NCSTN: variants seen among roughly 807,000 people sequenced by gnomAD.
The protein encoded by NCSTN is nicastrin.
In NCSTN, 22 loss-of-function variants were observed where a neutral mutation model predicts 87.0. The ratio of observed to expected loss-of-function variants is 0.25; its 90% confidence interval spans 0.18 to 0.36. NCSTN has a LOEUF of 0.36. Among genes scored for constraint, NCSTN ranks in the 10% least tolerant of loss-of-function variants. NCSTN has a pLI of 1.00. For synonymous variants in NCSTN, 306 were observed against 327.1 expected, an observed-to-expected ratio of 0.94 and a Z score of 0.69; for missense variants, 693 against 883.3, an observed-to-expected ratio of 0.78 and a Z score of 2.73.
intron 11 of NCSTN, among the ~76,000 whole-genome samples, chr1:160,354,507 T>C (rs768494357): frequency 3.3e-5 from 5 of 152,172 alleles, no homozygotes; most frequent in Non-Finnish European, 7.3e-5. Context: ...CCCTTAGCCC[T>C]TTACTGTCAA....
intron 4 of NCSTN, 128 bp downstream of exon 4, chr1:160,349,798 CA>C: frequency 7.5e-7 from 1 of 1,334,312 alleles, no homozygotes; most frequent in Non-Finnish European, 1.1e-6. Flanking sequence ...GACTCCCAAA[CA>C]GGGGGTAGTG....
chr1:160,351,721 T>C lies in NCSTN; in HGVS notation c.759T>C (p.Asp253=), dbSNP rs1409305030. The change falls in exon 7 of 17, where the codon GAT becomes GAC. Residue 253 remains aspartate (D), a synonymous_variant. Transcript: ENST00000294785. The stretch of plus-strand genomic sequence containing the variant: ...AAATCGTCTGTGACCCCCTGTCTGA[T>C]TACAATGTGTGGAGCATGCTAAAGC... ...NPEIVCDPLS[D]YNVWSMLKPI... The C allele has an allele frequency of 2.5e-6, 4 of 1,610,948 alleles. No individual in the cohort carries two copies. The highest frequency in any genetic ancestry group is 3.4e-6 in the Non-Finnish European group (4 of 1,177,202).
rs149288103 is a variant in NCSTN, at chr1:160,349,008, G to T, written c.200G>T (p.Ser67Ile). The part of the protein sequence containing the change: ...THQIGCQSSI[S>I]GDTGVIHVVE... Reference sequence around the variant, plus strand: ...CATTCTGTCCTGGCAGCTTCAATTAGTGGAGACACAGGGGTTATCCACGTA... The same window carrying T: ...CATTCTGTCCTGGCAGCTTCAATTATTGGAGACACAGGGGTTATCCACGTA... Residue 67 changes from serine (S) to isoleucine (I), a missense_variant, in exon 3 of 17, where the codon AGT becomes ATT. Coordinates refer to ENST00000294785, the MANE Select transcript of NCSTN (RefSeq NM_015331.3). The T allele has an allele frequency of 6.4e-5, 104 of 1,614,230 alleles. No homozygotes were observed. In the African/African-American group the frequency reaches 1.0e-3, roughly 16 times the overall value.
At position 160,355,831 on chromosome 1, in the gene NCSTN, G is replaced by A. The variant is rs200269442; in HGVS notation, c.1456-32G>A. 1.8e-5 allele frequency: 29 copies of A among 1,605,352 alleles called. No individual in the cohort carries two copies. The African/African-American group carries it at 3.5e-4, about 19-fold the overall frequency. On this transcript the variant is annotated intron_variant, in intron 12 of 16. Coordinates refer to ENST00000294785, the MANE Select transcript of NCSTN (RefSeq NM_015331.3). Reference sequence around the variant, plus strand: ...GCTAGCATTTGAGGATAGGAGAGGTGGGCCATTCAGCCCCCTCCTCACCTA... The same window carrying A: ...GCTAGCATTTGAGGATAGGAGAGGTAGGCCATTCAGCCCCCTCCTCACCTA...
intron 2 of NCSTN, among the ~76,000 whole-genome samples, chr1:160,347,025 A>G (rs1352263618): frequency 2.0e-5 from 3 of 152,086 alleles, no homozygotes; most frequent in East Asian, 1.9e-4. Flanking sequence ...CAGGACCCCA[A>G]CCTCTTGTAA....
At position 160,356,322 on chromosome 1, in the gene NCSTN, C is replaced by G. The variant is rs142200541; in HGVS notation, c.1614C>G (p.Leu538=). Residue 538 remains leucine, a synonymous_variant, in exon 14 of 17, where the codon CTC becomes CTG. Coordinates refer to ENST00000294785, the MANE Select transcript of NCSTN (RefSeq NM_015331.3). ...ACAACTCATGGTTCCAGTCTATCCT[C>G]AGGCAGGACCTAAGGTCCTACTTGG... ...KANNSWFQSI[L]RQDLRSYLGD... The G allele has an allele frequency of 1.4e-4, 222 of 1,613,014 alleles. No individual in the cohort carries two copies. The highest frequency in any genetic ancestry group is 1.8e-4 in the Non-Finnish European group (215 of 1,179,028).
In NCSTN at chr1:160,351,825, C is replaced by G. The variant is rs1188718242; in HGVS notation, c.843+20C>G. ...ACCCGGGTGAGTGTTGGCTTCTGAT[C>G]AGGATGGGCAGGGCTGGCACAAAAA... On this transcript the variant is annotated intron_variant, in intron 7 of 16. Coordinates refer to ENST00000294785, the MANE Select transcript of NCSTN (RefSeq NM_015331.3). 1 of 1,564,466 alleles carries G rather than the reference C, an allele frequency of 6.4e-7. No homozygotes were observed. The highest frequency in any genetic ancestry group is 2.2e-5 in the East Asian group (1 of 44,626).
At chr1:160,354,610 A>C (rs1649040796) in intron 11 of NCSTN, among the ~76,000 whole-genome samples, 1 of 152,148 alleles carries the variant, frequency 6.6e-6, no homozygotes, top group South Asian at 2.1e-4. Flanking sequence ...AAACACAAGC[A>C]TGGGAAGGAT....
intron 11 of NCSTN, 68 bp downstream of exon 11, chr1:160,354,358 G>T: frequency 6.5e-7 from 1 of 1,544,344 alleles, no homozygotes; most frequent in South Asian, 1.1e-5. Flanking sequence ...CTGGGAGGAA[G>T]GTCACTGCCC....
At chr1:160,353,052 G>T (rs1648949882) in intron 9 of NCSTN, 61 bp downstream of exon 9, 3 of 1,585,216 alleles carry the variant, frequency 1.9e-6, no homozygotes, top group Admixed American at 3.3e-5. Flanking sequence ...TTGTTGTTCT[G>T]CGGTCTTAAC....
chr1:160,348,991 C>A lies in NCSTN; in HGVS notation c.191-8C>A, dbSNP rs751565951. The stretch of plus-strand genomic sequence containing the variant: ...GGAGCTTTAATTTGACTCATTCTGT[C>A]CTGGCAGCTTCAATTAGTGGAGACA... On this transcript the variant is annotated splice_region_variant and splice_polypyrimidine_tract_variant and intron_variant, in intron 2 of 16. Transcript: ENST00000294785. 6.2e-7 allele frequency: 1 copy of A among 1,614,130 alleles called. No individual in the cohort carries two copies. The highest frequency in any genetic ancestry group is 1.1e-5 in the South Asian group (1 of 91,074).
In NCSTN at chr1:160,350,260, C is replaced by T. The variant is rs1395264071; in HGVS notation, c.582+10C>T. ...CAAAGTCATCAAGCAGGTAATGACACTGCCAGCTCCTAGCAATTCCAGTTA... is the reference window on the plus strand; with the variant it reads ...CAAAGTCATCAAGCAGGTAATGACATTGCCAGCTCCTAGCAATTCCAGTTA... On this transcript the variant is annotated intron_variant, in intron 5 of 16. Coordinates refer to ENST00000294785, the MANE Select transcript of NCSTN (RefSeq NM_015331.3). 7 of 1,613,412 alleles carry T rather than the reference C, an allele frequency of 4.3e-6. No homozygotes were observed. The Admixed American group carries it at 6.7e-5, about 15-fold the overall frequency.
chr1:160,352,605 G>A (rs192000111), intron 8 of NCSTN, among the ~76,000 whole-genome samples: 9 of 152,318 alleles, frequency 5.9e-5, no homozygotes, highest in East Asian at 3.8e-4. Flanking sequence ...GTGGGGGACC[G>A]TTAAGAATCA....
At chr1:160,347,450 T>G (rs1044305691) in intron 2 of NCSTN, among the ~76,000 whole-genome samples, 4 of 152,150 alleles carry the variant, frequency 2.6e-5, no homozygotes, top group Non-Finnish European at 5.9e-5. Context: ...GTCCCCACAG[T>G]ATGAGATGAA....
intron 5 of NCSTN, among the ~76,000 whole-genome samples, chr1:160,350,867 C>T (rs996038683): frequency 6.6e-6 from 1 of 152,154 alleles, no homozygotes; most frequent in African/African-American, 2.4e-5. Flanking sequence ...GTGAGTTGAT[C>T]TCCAAGCTGT....
rs1470801323 is a variant in NCSTN at position 160,355,851 on chromosome 1, C to T, written c.1456-12C>T. ...GAGGTGGGCCATTCAGCCCCCTCCT[C>T]ACCTACCACAGGCCCTGGCAGATGT... is the stretch of plus-strand genomic sequence containing the variant. On this transcript the variant is annotated splice_polypyrimidine_tract_variant and intron_variant, in intron 12 of 16. Coordinates refer to ENST00000294785, the MANE Select transcript of NCSTN (RefSeq NM_015331.3). The T allele has an allele frequency of 4.3e-6, 7 of 1,613,172 alleles. No individual in the cohort carries two copies. Among genetic ancestry groups the T allele is most frequent in the Non-Finnish European group, 5.9e-6 (7 of 1,179,262 alleles).
intron 8 of NCSTN, among the ~76,000 whole-genome samples, 195 bp downstream of exon 8, chr1:160,352,401 C>T (rs1648903338): frequency 1.3e-5 from 2 of 152,158 alleles, no homozygotes; most frequent in South Asian, 4.1e-4. Context: ...TTTTAGGAAG[C>T]TTTTACACCC....
At position 160,357,240 on chromosome 1, in the gene NCSTN, G is replaced by A; in HGVS notation, c.1994G>A (p.Ser665Asn). Residue 665 changes from serine (S) to asparagine (N), a missense_variant, in exon 16 of 17, where the codon AGC becomes AAC. Ser to Asn is a conservative substitution (Grantham distance 46). Transcript: ENST00000294785. The part of the protein sequence containing the change: ...DIRARIFLIA[S>N]KELELITLTV... ...CGTGCCCGGATATTTCTCATCGCCA[G>A]CAAAGAGCTTGAGGTGAGATGGGGC... is the stretch of plus-strand genomic sequence containing the variant. 6.2e-7 allele frequency: 1 copy of A among 1,613,160 alleles called. No homozygotes were observed. The highest frequency in any genetic ancestry group is 8.5e-7 in the Non-Finnish European group (1 of 1,179,582).
intron 16 of NCSTN, 130 bp downstream of exon 16, chr1:160,357,383 C>T (rs1323982564): frequency 2.0e-6 from 2 of 980,426 alleles, no homozygotes; most frequent in Non-Finnish European, 3.1e-6. Flanking sequence ...AAATCTGTCC[C>T]TGGTCAGCCA....
Sources: allele counts gnomAD v4.1 joint callset (sites outside exome capture counted in the v4.1 genomes callset), GRCh38; gene constraint gnomAD v4.1.1; transcripts MANE v1.5; gene names NCBI Gene and HGNC (gene_info 2026-07-23, HGNC 2026-07-21).